TCEANC2: variants seen among roughly 807,000 people sequenced by gnomAD.
TCEANC2 encodes the protein transcription elongation factor A N-terminal and central domain-containing protein 2.
TCEANC2 carries 20 observed loss-of-function variants against 22.8 expected under a neutral mutation model. That is an observed-to-expected ratio of 0.88 (90% CI 0.62 to 1.28). The LOEUF (loss-of-function observed/expected upper bound fraction) is 1.28, where lower values mean the gene tolerates loss of function less well. Ranked by LOEUF, TCEANC2 falls within the 50% of genes most tolerant of loss-of-function variation. The pLI, the probability that TCEANC2 is intolerant of heterozygous loss-of-function variation, is 0.00. For missense variants in TCEANC2, 251 were observed against 249.7 expected (o/e 1.01, Z -0.03); for synonymous variants, 84 against 95.5 (o/e 0.88, Z 0.70).
At chr1:54,059,152 CTTTTT>C (rs201301611) in intron 2 of TCEANC2, among the ~76,000 whole-genome samples, 1 of 130,764 alleles carries the variant, frequency 7.6e-6, no homozygotes, top group East Asian at 2.1e-4. Flanking sequence ...CTTGAGTTTT[CTTTTT>C]TTTTTTTTTT....
Position 54,096,400 on chromosome 1 carries a change from G to T in TCEANC2, c.554G>T (p.Arg185Leu), listed in dbSNP as rs765027682. The change falls in exon 5 of 5, where the codon CGA becomes CTA. Residue 185 changes from arginine (R) to leucine (L), a missense_variant. By Grantham distance (102) the Arg-to-Leu change is moderately radical (BLOSUM62 -2). Transcript: ENST00000234827. This position sits in a 1 kb window ranked among gnomAD's most constrained non-coding sequence, Gnocchi z 4.9. ...VRALVFTLKH[R>L]AEIRAQVKSG... ...GCCCTGGTCTTCACATTAAAGCACC[G>T]AGCTGAAATCCGGGCTCAGGTGAAG... The T allele has an allele frequency of 6.2e-7, 1 of 1,613,558 alleles. No individual in the cohort carries two copies. The highest frequency in any genetic ancestry group is 8.5e-7 in the Non-Finnish European group (1 of 1,179,474).
chr1:54,058,586 G>A (rs1016656973), intron 2 of TCEANC2, among the ~76,000 whole-genome samples: 4 of 152,150 alleles, frequency 2.6e-5, no homozygotes, highest in Admixed American at 2.6e-4. Flanking sequence ...TGCGCTTATC[G>A]TCTCATACCT....
At chr1:54,056,813 A>G (rs1569989210) in intron 2 of TCEANC2, among the ~76,000 whole-genome samples, 1 of 152,100 alleles carries the variant, frequency 6.6e-6, no homozygotes, top group Admixed American at 6.5e-5. Context: ...AGGCCAAGGC[A>G]GATGGATCAC....
chr1:54,074,906 T>C (rs2100367946), intron 3 of TCEANC2, among the ~76,000 whole-genome samples: 1 of 152,318 alleles, frequency 6.6e-6, no homozygotes. Context: ...AATGTGGTAT[T>C]GAAGAAAGTT....
In TCEANC2 at chr1:54,084,074, G is replaced by A. The variant is rs1348013346; in HGVS notation, c.245-4523G>A. On this transcript the variant is annotated intron_variant, in intron 3 of 4. Coordinates refer to ENST00000234827, the MANE Select transcript of TCEANC2 (RefSeq NM_153035.3). The stretch of plus-strand genomic sequence containing the variant: ...GTCACCCAGGCTGGAGTGCAGTGGT[G>A]TGATCTTGGCTCACTGCAACCTCTG... Among the ~76,000 whole-genome samples, 3 of 151,516 alleles carry A rather than the reference G, an allele frequency of 2.0e-5. No homozygotes were observed. The East Asian group carries it at 5.8e-4, about 29-fold the overall frequency.
At position 54,102,330 on chromosome 1, in the gene TCEANC2, A is replaced by G. The variant is rs1487444653; in HGVS notation, c.*5857A>G. 3 of 152,230 alleles carry G rather than the reference A, an allele frequency of 2.0e-5. No individual in the cohort carries two copies. Among genetic ancestry groups the G allele is most frequent in the Non-Finnish European group, 2.9e-5 (2 of 68,042 alleles). The allele number at this position is 152,230 out of a possible 1,614,324, so 9.4% of individuals were successfully genotyped here. A position where few individuals can be genotyped will look rare whatever the true frequency, so the allele number is the denominator to read the frequency against. On this transcript the variant is annotated 3_prime_UTR_variant, in exon 5 of 5. Coordinates refer to ENST00000234827, the MANE Select transcript of TCEANC2 (RefSeq NM_153035.3). ...GTTTATGACAAGACCCTACAGGAGA[A>G]TCACAATGTAGACACCTGGGGTTCT... is the stretch of plus-strand genomic sequence containing the variant.
intron 3 of TCEANC2, among the ~76,000 whole-genome samples, chr1:54,083,140 G>A (rs1441861631): frequency 2.0e-5 from 3 of 152,162 alleles, no homozygotes; most frequent in Admixed American, 2.0e-4. Flanking sequence ...GTGCCATTCT[G>A]TGACCAAAAA....
At chr1:54,071,123 G>T (rs1658047742) in intron 3 of TCEANC2, among the ~76,000 whole-genome samples, 1 of 152,178 alleles carries the variant, frequency 6.6e-6, no homozygotes, top group Non-Finnish European at 1.5e-5. Flanking sequence ...AAGAAATGAG[G>T]CTGGAGAGAC....
intron 2 of TCEANC2, among the ~76,000 whole-genome samples, chr1:54,064,045 T>C (rs1314808485): frequency 6.6e-6 from 1 of 152,200 alleles, no homozygotes; most frequent in Non-Finnish European, 1.5e-5. Context: ...AAATGTGAGA[T>C]TTCTCTATTA....
chr1:54,096,627 C>G lies in TCEANC2; in HGVS notation c.*154C>G. 2 of 1,375,982 alleles carry G rather than the reference C, an allele frequency of 1.5e-6. No homozygotes were observed. Among genetic ancestry groups the G allele is most frequent in the Non-Finnish European group, 1.9e-6 (2 of 1,056,090 alleles). 85.2% of individuals were successfully genotyped at this position (1,375,982 alleles called of 1,614,324 possible). Reference sequence around the variant, plus strand: ...TTTGCAGACAGAGGATTCGGAGAGCCCTAGGAGACAGGCCTGCAGGAATGT... The same window carrying G: ...TTTGCAGACAGAGGATTCGGAGAGCGCTAGGAGACAGGCCTGCAGGAATGT... On this transcript the variant is annotated 3_prime_UTR_variant, in exon 5 of 5. Transcript: ENST00000234827. The surrounding 1 kb of genome is among the most constrained non-coding windows in gnomAD (Gnocchi z 4.9).
At chr1:54,061,564 A>G (rs950019718) in intron 2 of TCEANC2, among the ~76,000 whole-genome samples, 2 of 152,050 alleles carry the variant, frequency 1.3e-5, no homozygotes, top group Non-Finnish European at 2.9e-5. Context: ...ACATATATTA[A>G]CTCTTTAAAT....
At chr1:54,065,801 G>A (rs1569997695) in intron 2 of TCEANC2, among the ~76,000 whole-genome samples, 1 of 151,998 alleles carries the variant, frequency 6.6e-6, no homozygotes, top group Admixed American at 6.6e-5. Context: ...AAAAGGGGCT[G>A]GGCACAGTGG....
intron 3 of TCEANC2, among the ~76,000 whole-genome samples, chr1:54,080,932 T>C (rs760265404): frequency 1.3e-5 from 2 of 152,228 alleles, no homozygotes; most frequent in Non-Finnish European, 2.9e-5. Context: ...GGCCAACTTA[T>C]GACCTTGGGG....
In TCEANC2 at chr1:54,096,607, A is replaced by T; in HGVS notation, c.*134A>T. The T allele has an allele frequency of 7.1e-7, 1 of 1,411,932 alleles. No individual in the cohort carries two copies. Among genetic ancestry groups the T allele is most frequent in the Non-Finnish European group, 9.3e-7 (1 of 1,078,468 alleles). 87.5% of individuals were successfully genotyped at this position (1,411,932 alleles called of 1,614,324 possible). A position where few individuals can be genotyped will look rare whatever the true frequency, so the allele number is the denominator to read the frequency against. On this transcript the variant is annotated 3_prime_UTR_variant, in exon 5 of 5. Transcript: ENST00000234827. This position sits in a 1 kb window ranked among gnomAD's most constrained non-coding sequence, Gnocchi z 4.9. Reference sequence around the variant, plus strand: ...TTTTCCCATGGTGCCGTTCCTTTGCAGACAGAGGATTCGGAGAGCCCTAGG... The same window carrying T: ...TTTTCCCATGGTGCCGTTCCTTTGCTGACAGAGGATTCGGAGAGCCCTAGG...
intron 2 of TCEANC2, 127 bp from the exon 3 acceptor site, chr1:54,068,629 C>A: frequency 1.1e-6 from 1 of 899,598 alleles, no homozygotes; most frequent in Non-Finnish European, 1.6e-6. Context: ...CCATCAGATG[C>A]ACTGTACTTT....
chr1:54,056,527 A>G (rs546263637), intron 2 of TCEANC2, among the ~76,000 whole-genome samples: 6 of 151,724 alleles, frequency 4.0e-5, no homozygotes, highest in South Asian at 2.1e-4. Context: ...GGGTTTCACT[A>G]TGTTGGCCAG....
chr1:54,070,318 A>G (rs1658032788), intron 3 of TCEANC2, among the ~76,000 whole-genome samples: 1 of 152,212 alleles, frequency 6.6e-6, no homozygotes, highest in Admixed American at 6.5e-5. Context: ...TTACTAGTTT[A>G]TGACATGTAT....
intron 4 of TCEANC2, among the ~76,000 whole-genome samples, chr1:54,095,471 A>G (rs1658527590): frequency 6.6e-6 from 1 of 152,120 alleles, no homozygotes; most frequent in African/African-American, 2.4e-5. Flanking sequence ...GGGGTCTCGG[A>G]TCAGCATCCC....
At chr1:54,087,098 T>A (rs1658352549) in intron 3 of TCEANC2, among the ~76,000 whole-genome samples, 1 of 152,210 alleles carries the variant, frequency 6.6e-6, no homozygotes, top group Admixed American at 6.5e-5. Flanking sequence ...TAAAAATATA[T>A]CTGTCTTATA....
Sources: gnomAD v4.1 joint callset for allele counts (sites outside exome capture counted in the v4.1 genomes callset) on GRCh38, gnomAD v4.1.1 for gene constraint, Gnocchi (gnomAD v3.1) non-coding constraint, MANE v1.5 for transcripts, NCBI Gene and HGNC (gene_info 2026-07-23, HGNC 2026-07-21) for gene names.